The following CDYL2 variants were observed in gnomAD, a reference collection of about 807,000 sequenced individuals.
CDYL2 encodes chromodomain Y-like protein 2.
Under a neutral mutation model 49.4 loss-of-function variants are expected in CDYL2, and 23 were observed. The ratio of observed to expected loss-of-function variants is 0.47; its 90% confidence interval spans 0.34 to 0.66. CDYL2 has a LOEUF of 0.66. CDYL2 is among the 30% of genes least tolerant of loss of function. The pLI is 0.01. For missense variants in CDYL2, 678 were observed against 656.4 expected (o/e 1.03, Z -0.36); for synonymous variants, 360 against 268.8 (o/e 1.34, Z -3.32).
chr16:80,708,333 A>T (rs1208407210), intron 1 of CDYL2, among the ~76,000 whole-genome samples: 1 of 152,072 alleles, frequency 6.6e-6, no homozygotes, highest in African/African-American at 2.4e-5. Flanking sequence ...GTCTCAGGAG[A>T]TCTGATGGTC....
At chr16:80,669,062 G>C (rs1396305286) in intron 2 of CDYL2, among the ~76,000 whole-genome samples, 2 of 151,964 alleles carry the variant, frequency 1.3e-5, no homozygotes, top group Non-Finnish European at 2.9e-5. Context: ...GAACATTTTA[G>C]GGACCTAGAT....
At chr16:80,667,801 A>G (rs1909329313) in intron 2 of CDYL2, among the ~76,000 whole-genome samples, 1 of 152,238 alleles carries the variant, frequency 6.6e-6, no homozygotes, top group Admixed American at 6.5e-5. Context: ...GGCTTCCTAT[A>G]AACGAATTCA....
intron 1 of CDYL2, among the ~76,000 whole-genome samples, chr16:80,715,298 A>C (rs16953875): frequency 1.2e-4 from 18 of 152,158 alleles, no homozygotes; most frequent in African/African-American, 4.3e-4. Context: ...TCCTTGTGGG[A>C]CCCGGAGTCA....
chr16:80,758,861 A>T (rs1379060064), intron 1 of CDYL2, among the ~76,000 whole-genome samples: 1 of 151,686 alleles, frequency 6.6e-6, no homozygotes, highest in African/African-American at 2.4e-5. Context: ...ACTTCTAATC[A>T]TATCAAAAAA....
chr16:80,757,357 T>C (rs1242110561), intron 1 of CDYL2, among the ~76,000 whole-genome samples: 2 of 151,942 alleles, frequency 1.3e-5, no homozygotes, highest in Non-Finnish European at 2.9e-5. Flanking sequence ...CTGGGCAACA[T>C]AGCAAGACCC....
At chr16:80,781,781 C>T (rs1907276875) in intron 1 of CDYL2, among the ~76,000 whole-genome samples, 1 of 151,906 alleles carries the variant, frequency 6.6e-6, no homozygotes, top group African/African-American at 2.4e-5. Context: ...AAATAAATGG[C>T]ACTGTATTAA....
In CDYL2 at chr16:80,767,303, T is replaced by A. The variant is rs558047727; in HGVS notation, c.24+36847A>T. On this transcript the variant is annotated intron_variant, in intron 1 of 6. Transcript: ENST00000570137. ...TTTTCAAAGAAAAGTTCTCTGAAAA[T>A]TTTCAAAGAAAAGTTCTCTGAGCCT... 4.4e-4 allele frequency among the ~76,000 whole-genome samples: 67 copies of A among 152,220 alleles called. No individual in the cohort carries two copies. The Middle Eastern group carries it at 0.01, about 23-fold the overall frequency.
rs920183275 is a variant in CDYL2 at position 80,684,615 on chromosome 16, T to A, written c.539A>T (p.Asp180Val). The A allele has an allele frequency of 1.9e-6, 3 of 1,614,198 alleles. No individual in the cohort carries two copies. Among genetic ancestry groups the A allele is most frequent in the Middle Eastern group, 1.6e-4 (1 of 6,062 alleles). The change falls in exon 2 of 7, where the codon GAT (aspartate) becomes GTT (valine). Residue 180 changes from aspartate (D) to valine (V), a missense_variant. Asp to Val is a radical substitution (Grantham distance 152). Transcript: ENST00000570137. ...FGNGSHQPGL[D>V]LNDHVGEQDM... ...TTGCTCTCCAACATGATCATTCAAA[T>A]CCAAGCCAGGCTGATGGGACCCATT...
At chr16:80,666,289 T>A (rs79115240) in intron 2 of CDYL2, among the ~76,000 whole-genome samples, 1,960 of 152,314 alleles carry the variant, frequency 0.013, 14 homozygotes, top group Non-Finnish European at 0.018. Context: ...AAAGGTGAAA[T>A]CTTACAATAC....
At chr16:80,734,661 G>A (rs1007671341) in intron 1 of CDYL2, among the ~76,000 whole-genome samples, 1 of 152,108 alleles carries the variant, frequency 6.6e-6, no homozygotes, top group Admixed American at 6.5e-5. Flanking sequence ...TACTGCATAA[G>A]CACCCACTAT....
intron 1 of CDYL2, among the ~76,000 whole-genome samples, chr16:80,750,816 G>A (rs1400529088): frequency 6.6e-6 from 1 of 152,112 alleles, no homozygotes; most frequent in African/African-American, 2.4e-5. Context: ...TCAGGAGATC[G>A]AGACCATCGT....
At chr16:80,675,489 A>T (rs980290220) in intron 2 of CDYL2, among the ~76,000 whole-genome samples, 1 of 152,190 alleles carries the variant, frequency 6.6e-6, no homozygotes, top group East Asian at 1.9e-4. Flanking sequence ...TATTGCTACC[A>T]TCACCACCAC....
intron 1 of CDYL2, among the ~76,000 whole-genome samples, chr16:80,772,347 A>G (rs115094569): frequency 6.6e-6 from 1 of 152,354 alleles, no homozygotes; most frequent in Middle Eastern, 3.4e-3. Flanking sequence ...GGCTTAAAAT[A>G]TACAGAAATA....
Position 80,599,346 on chromosome 16 carries a change from A to T in CDYL2, c.*5042T>A, listed in dbSNP as rs1905976760. On this transcript the variant is annotated 3_prime_UTR_variant, in exon 7 of 7. Coordinates refer to ENST00000570137, the MANE Select transcript of CDYL2 (RefSeq NM_152342.4). ...AGCCCTGGACTACTTTATGTGGACAACCAAAAGGAATAATAATTTCTTTTT... is the reference window on the plus strand; with the variant it reads ...AGCCCTGGACTACTTTATGTGGACATCCAAAAGGAATAATAATTTCTTTTT... 1 of 152,244 alleles carries T rather than the reference A, an allele frequency of 6.6e-6. No individual in the cohort carries two copies. The highest frequency in any genetic ancestry group is 2.1e-4 in the South Asian group (1 of 4,836). The allele number at this position is 152,244 out of a possible 1,614,324, so 9.4% of individuals were successfully genotyped here.
rs1910122160 is a variant in CDYL2, at chr16:80,684,876, G to C, written c.278C>G (p.Pro93Arg). The C allele has an allele frequency of 1.2e-6, 2 of 1,614,178 alleles. No homozygotes were observed. Among genetic ancestry groups the C allele is most frequent in the Non-Finnish European group, 1.7e-6 (2 of 1,180,022 alleles). Reference protein sequence around the residue: ...GPSVEKLSHRPSDPGKSKGTS... With the variant: ...GPSVEKLSHRRSDPGKSKGTS... ...CCCCTTGCTCTTTCCAGGATCTGAA[G>C]GTCTGTGGGACAGTTTCTCAACCGA... The change falls in exon 2 of 7, where the codon CCT (proline) becomes CGT (arginine). Residue 93 changes from proline to arginine, a missense_variant. Pro to Arg is a moderately radical substitution (Grantham distance 103, BLOSUM62 -2). Transcript: ENST00000570137.
chr16:80,670,927 A>T (rs1303033362), intron 2 of CDYL2: 4 of 455,894 alleles, frequency 8.8e-6, no homozygotes, highest in Non-Finnish European at 1.8e-5. Flanking sequence ...GGCTTGCCTC[A>T]CCAGCTGTTC....
At chr16:80,644,507 T>C (rs1908246504) in intron 2 of CDYL2, among the ~76,000 whole-genome samples, 1 of 152,182 alleles carries the variant, frequency 6.6e-6, no homozygotes, top group South Asian at 2.1e-4. Flanking sequence ...CTGGGTAGAC[T>C]GGGGAACAAA....
Position 80,609,330 on chromosome 16 carries a change from C to T in CDYL2, c.1219-1095G>A, listed in dbSNP as rs149431108. On this transcript the variant is annotated intron_variant, in intron 5 of 6. Transcript: ENST00000570137. ...CACCTGCTCTTCTCTCCTGCCTCTA[C>T]ATGCTAGCTCCTCTCGGGTTGACGC... is the stretch of plus-strand genomic sequence containing the variant. Among the ~76,000 whole-genome samples, 1,363 of 152,316 alleles carry T rather than the reference C, an allele frequency of 8.9e-3. 12 individuals are homozygous for T. The highest frequency in any genetic ancestry group is 0.027 in the South Asian group (131 of 4,828).
chr16:80,621,955 G>T (rs1239797523), intron 3 of CDYL2, among the ~76,000 whole-genome samples: 1 of 152,176 alleles, frequency 6.6e-6, no homozygotes, highest in African/African-American at 2.4e-5. Flanking sequence ...CCTGCTACAT[G>T]GGTTCCAGCC....
Sources: allele counts gnomAD v4.1 joint callset (sites outside exome capture counted in the v4.1 genomes callset), GRCh38; gene constraint gnomAD v4.1.1; transcripts MANE v1.5; gene names NCBI Gene and HGNC (gene_info 2026-07-23, HGNC 2026-07-21).